TMPRSS7: variants seen among roughly 807,000 people sequenced by gnomAD.
TMPRSS7 encodes transmembrane serine protease 7, also known as transmembrane protease serine 7.
In TMPRSS7, 81 loss-of-function variants were observed where a neutral mutation model predicts 95.6. That is an observed-to-expected ratio of 0.85 (90% CI 0.71 to 1.02). TMPRSS7 has a LOEUF of 1.02. Ranked by LOEUF, TMPRSS7 falls within the 50% of genes least tolerant of loss-of-function variation. The pLI is 0.00. For missense variants in TMPRSS7, 945 were observed against 955.2 expected (o/e 0.99, Z 0.14); for synonymous variants, 364 against 337.8 (o/e 1.08, Z -0.85).
intron 13 of TMPRSS7, among the ~76,000 whole-genome samples, chr3:112,069,432 T>C (rs2073615581): frequency 6.6e-6 from 1 of 152,240 alleles, no homozygotes; most frequent in Admixed American, 6.5e-5. Context: ...CTGATAGAAT[T>C]TGGCTGTGAA....
intron 3 of TMPRSS7, 77 bp from the exon 4 acceptor site, chr3:112,044,178 G>A (rs2073247396): frequency 1.0e-6 from 1 of 993,664 alleles, no homozygotes; most frequent in Non-Finnish European, 1.5e-6. Context: ...GTCAGAGCTT[G>A]GGCCTACAAC....
At position 112,075,554 on chromosome 3, in the gene TMPRSS7, C is replaced by T. The variant is rs2073702065; in HGVS notation, c.1955+62C>T. 5 of 1,295,620 alleles carry T rather than the reference C, an allele frequency of 3.9e-6. No homozygotes were observed. The South Asian group carries it at 1.1e-4, about 29-fold the overall frequency. The allele number at this position is 1,295,620 out of a possible 1,614,324, so 80.3% of individuals were successfully genotyped here. On this transcript the variant is annotated intron_variant, in intron 15 of 17. Coordinates refer to ENST00000452346, the Ensembl canonical transcript of TMPRSS7. ...TGTGGCCATAGACAATATATCTGCC[C>T]TCAAATTGTGGGAAGCAGATCCCTG...
rs1002206155 is a variant in TMPRSS7, at chr3:112,036,205, A to G, written c.48+1312A>G. 2.0e-5 allele frequency among the ~76,000 whole-genome samples: 3 copies of G among 152,212 alleles called. No homozygotes were observed. In the East Asian group the frequency reaches 5.8e-4, roughly 29 times the overall value. On this transcript the variant is annotated intron_variant, in intron 1 of 17. Transcript: ENST00000452346. ...CTTATCTTCTTATTTTCAATCCTGC[A>G]TCAGCCCAGAAATAATTGATTGTGA...
At chr3:112,060,430 C>T (rs2073487044) in intron 10 of TMPRSS7, among the ~76,000 whole-genome samples, 1 of 152,082 alleles carries the variant, frequency 6.6e-6, no homozygotes, top group Middle Eastern at 3.4e-3. Flanking sequence ...CCTACAGTCT[C>T]GATCATAGAA....
intron 1 of TMPRSS7, 47 bp from the exon 2 acceptor site, chr3:112,038,025 C>T: frequency 1.4e-6 from 1 of 692,878 alleles, no homozygotes; most frequent in South Asian, 1.5e-5. Flanking sequence ...CATTTAAGAT[C>T]CTGTCTACTT....
chr3:112,048,318 T>C (rs2073304926), intron 7 of TMPRSS7, among the ~76,000 whole-genome samples: 1 of 152,250 alleles, frequency 6.6e-6, no homozygotes, highest in Non-Finnish European at 1.5e-5. Flanking sequence ...CCTATGATGA[T>C]TGCATCACAT....
chr3:112,062,787 C>A (rs60746737), intron 11 of TMPRSS7, among the ~76,000 whole-genome samples: 6,638 of 152,070 alleles, frequency 0.044, 423 homozygotes, highest in African/African-American at 0.14. Flanking sequence ...ATAGTGTTTC[C>A]CTCGACCATA....
At chr3:112,056,845 T>C (rs1023806828) in intron 9 of TMPRSS7, among the ~76,000 whole-genome samples, 180 bp from the exon 10 acceptor site, 1 of 152,208 alleles carries the variant, frequency 6.6e-6, no homozygotes, top group South Asian at 2.1e-4. Flanking sequence ...AATACATGGC[T>C]GCCTGCTTCC....
exon 2 of TMPRSS7, chr3:112,038,133 C>A (rs1334443766): frequency 1.4e-6 from 1 of 702,740 alleles, no homozygotes; most frequent in Non-Finnish European, 2.6e-6. Context: ...AGACGACCAC[C>A]GTTGCCAGGG....
intron 8 of TMPRSS7, 144 bp from the exon 9 acceptor site, chr3:112,050,527 A>AAAAAAAAAC (rs2073332023): frequency 1.7e-5 from 6 of 351,674 alleles, no homozygotes; most frequent in Middle Eastern, 7.3e-4. Flanking sequence ...CTTCTGAAAA[A>AAAAAAAAAC]AAAAAAAAAA....
intron 9 of TMPRSS7, among the ~76,000 whole-genome samples, chr3:112,051,364 C>T (rs907702801): frequency 1.4e-4 from 22 of 152,032 alleles, no homozygotes; most frequent in Non-Finnish European, 2.4e-4. Context: ...ATAGATTACA[C>T]GCAAATACTA....
At chr3:112,076,904 C>A in exon 16 of TMPRSS7, 1 of 1,614,150 alleles carries the variant, frequency 6.2e-7, no homozygotes, top group Non-Finnish European at 8.5e-7. Flanking sequence ...ATGGACTGCA[C>A]ACCTCGGGAT....
intron 5 of TMPRSS7, 100 bp from the exon 6 acceptor site, chr3:112,046,874 T>C: frequency 2.9e-6 from 2 of 684,912 alleles, no homozygotes; most frequent in Non-Finnish European, 5.3e-6. Flanking sequence ...ATGTGTTTGA[T>C]TGCCTTTAAA....
At chr3:112,050,047 G>A (rs1184613701) in intron 8 of TMPRSS7, 73 bp downstream of exon 8, 4 of 1,416,672 alleles carry the variant, frequency 2.8e-6, no homozygotes, top group Non-Finnish European at 3.8e-6. Context: ...TATCTTTCTG[G>A]AAGCTGTGTT....
intron 7 of TMPRSS7, among the ~76,000 whole-genome samples, chr3:112,048,791 A>G (rs557648160): frequency 2.6e-5 from 4 of 152,346 alleles, no homozygotes; most frequent in African/African-American, 9.6e-5. Flanking sequence ...TTCCTCCATC[A>G]TCAGCTTCTT....
intron 13 of TMPRSS7, among the ~76,000 whole-genome samples, chr3:112,067,916 C>A (rs1044356445): frequency 4.6e-5 from 7 of 152,132 alleles, no homozygotes; most frequent in Non-Finnish European, 5.9e-5. Context: ...ATGCCTATGT[C>A]CTGAATGGTA....
chr3:112,060,846 T>C (rs1576112703), intron 10 of TMPRSS7, among the ~76,000 whole-genome samples: 1 of 152,220 alleles, frequency 6.6e-6, no homozygotes, highest in South Asian at 2.1e-4. Context: ...AAGTGATAAG[T>C]GTCCATGAAA....
chr3:112,037,432 T>C (rs577782145), intron 1 of TMPRSS7, among the ~76,000 whole-genome samples: 1 of 152,282 alleles, frequency 6.6e-6, no homozygotes, highest in Non-Finnish European at 1.5e-5. Flanking sequence ...GTCAGACCAG[T>C]TCTCTGCTCT....
chr3:112,037,429 C>G (rs1272826215), intron 1 of TMPRSS7, among the ~76,000 whole-genome samples: 3 of 152,126 alleles, frequency 2.0e-5, no homozygotes, highest in Non-Finnish European at 4.4e-5. Flanking sequence ...CTAGTCAGAC[C>G]AGTTCTCTGC....
Sources: allele counts gnomAD v4.1 joint callset (sites outside exome capture counted in the v4.1 genomes callset), GRCh38; gene constraint gnomAD v4.1.1; transcripts MANE v1.5; gene names NCBI Gene and HGNC (gene_info 2026-07-23, HGNC 2026-07-21).